Variants in PTPRT observed in about 807,000 individuals in gnomAD.
PTPRT encodes protein tyrosine phosphatase receptor type T.
A neutral mutation model predicts 176.8 loss-of-function variants in PTPRT; 56 were observed. That is an observed-to-expected ratio of 0.32 (90% CI 0.26 to 0.40). PTPRT has a LOEUF of 0.40. PTPRT is among the 10% of genes least tolerant of loss of function. The probability of loss-of-function intolerance (pLI) is 1.00; values close to 1 mark genes in which losing one functional copy is unlikely to be tolerated. For synonymous variants in PTPRT, 783 were observed against 739.0 expected (o/e 1.06, Z -0.96); for missense variants, 1,540 against 1,908.2 (o/e 0.81, Z 3.60).
intron 1 of PTPRT, among the ~76,000 whole-genome samples, chr20:42,899,510 C>T (rs552204593): frequency 1.3e-4 from 20 of 152,332 alleles, no homozygotes; most frequent in Non-Finnish European, 1.8e-4. Flanking sequence ...CAGCCTCCTC[C>T]CTTCTTCAGT....
chr20:43,112,266 C>G (rs968615599), intron 1 of PTPRT, among the ~76,000 whole-genome samples: 7 of 152,142 alleles, frequency 4.6e-5, no homozygotes, highest in African/African-American at 1.7e-4. Context: ...TAAACACACA[C>G]CCACCCTAAA....
intron 2 of PTPRT, among the ~76,000 whole-genome samples, chr20:42,869,772 G>T (rs778216660): frequency 6.4e-4 from 98 of 152,298 alleles, no homozygotes; most frequent in Non-Finnish European, 7.9e-4. Flanking sequence ...GGAGGAGAAC[G>T]CTGTGGCTTA....
At chr20:42,275,380 C>T (rs2057011816) in intron 13 of PTPRT, among the ~76,000 whole-genome samples, 1 of 152,178 alleles carries the variant, frequency 6.6e-6, no homozygotes, top group Admixed American at 6.5e-5. Flanking sequence ...AACTGCTTTG[C>T]AATAACAGAC....
intron 9 of PTPRT, among the ~76,000 whole-genome samples, chr20:42,419,413 G>A (rs538745416): frequency 6.6e-6 from 1 of 152,282 alleles, no homozygotes; most frequent in Non-Finnish European, 1.5e-5. Flanking sequence ...GTTAGATTTT[G>A]GGGGAAACAT....
At chr20:42,065,115 A>G in the PTPRT span, among the ~76,000 whole-genome samples, 1 of 152,224 alleles carries the variant, frequency 6.6e-6, no homozygotes, top group African/African-American at 2.4e-5. Flanking sequence ...TCAAGGCTTA[A>G]AGATGTCTGT....
chr20:43,164,626 T>G (rs2014805523), intron 1 of PTPRT, among the ~76,000 whole-genome samples: 1 of 152,152 alleles, frequency 6.6e-6, no homozygotes, highest in South Asian at 2.1e-4. Context: ...CCACAAACCT[T>G]TTCTGTAGAG....
At chr20:42,592,787 C>T (rs2073603353) in intron 7 of PTPRT, among the ~76,000 whole-genome samples, 1 of 152,146 alleles carries the variant, frequency 6.6e-6, no homozygotes, top group African/African-American at 2.4e-5. Flanking sequence ...TCTGAGGACT[C>T]CACCTAACCA....
intron 7 of PTPRT, among the ~76,000 whole-genome samples, chr20:42,629,071 G>C (rs2074352736): frequency 1.3e-5 from 2 of 152,110 alleles, no homozygotes; most frequent in African/African-American, 4.8e-5. Flanking sequence ...TTGACACCTA[G>C]GGTGAGATGG....
At chr20:42,169,242 G>A (rs1989967958) in intron 16 of PTPRT, among the ~76,000 whole-genome samples, 1 of 152,122 alleles carries the variant, frequency 6.6e-6, no homozygotes, top group African/African-American at 2.4e-5. Flanking sequence ...CTTTGTTTCC[G>A]AGACGCAGAT....
intron 1 of PTPRT, among the ~76,000 whole-genome samples, chr20:43,107,108 A>C (rs962136093): frequency 2.6e-5 from 4 of 152,156 alleles, no homozygotes; most frequent in African/African-American, 9.7e-5. Context: ...TAACTTCTTA[A>C]ACATTTTTCT....
At chr20:43,139,322 C>T (rs2013931326) in intron 1 of PTPRT, among the ~76,000 whole-genome samples, 1 of 152,164 alleles carries the variant, frequency 6.6e-6, no homozygotes, top group African/African-American at 2.4e-5. Flanking sequence ...TTTTCCAGCT[C>T]TCCTCCATAC....
intron 8 of PTPRT, among the ~76,000 whole-genome samples, chr20:42,449,513 TTG>T (rs1159608884): frequency 1.3e-5 from 2 of 152,220 alleles, no homozygotes; most frequent in Non-Finnish European, 2.9e-5. Context: ...GCACTTACTC[TTG>T]GACTAGAATT....
intron 9 of PTPRT, among the ~76,000 whole-genome samples, chr20:42,399,843 CA>C (rs2058888319): frequency 6.6e-6 from 1 of 152,214 alleles, no homozygotes; most frequent in South Asian, 2.1e-4. Flanking sequence ...CCATTTACAT[CA>C]CTTTTCACCC....
At chr20:42,964,446 A>C (rs1047759553) in intron 1 of PTPRT, among the ~76,000 whole-genome samples, 4 of 152,212 alleles carry the variant, frequency 2.6e-5, no homozygotes, top group Non-Finnish European at 2.9e-5. Context: ...ATTCACAAAG[A>C]AATATATCAA....
chr20:43,188,884 C>G (rs1176781550), intron 1 of PTPRT, among the ~76,000 whole-genome samples: 2 of 151,970 alleles, frequency 1.3e-5, no homozygotes, highest in Non-Finnish European at 2.9e-5. Flanking sequence ...CCCGCCCCCG[C>G]TCCCCCTACT....
intron 1 of PTPRT, among the ~76,000 whole-genome samples, chr20:42,972,676 C>CAAAAAAAAAAAA (rs33947245): frequency 2.6e-5 from 2 of 77,538 alleles, no homozygotes; most frequent in African/African-American, 1.0e-4. Context: ...TCTCAAAAAG[C>CAAAAAAAAAAAA]AAAAAAAAAA....
At chr20:42,872,583 T>C (rs1414480280) in intron 2 of PTPRT, among the ~76,000 whole-genome samples, 2 of 152,012 alleles carry the variant, frequency 1.3e-5, no homozygotes, top group African/African-American at 4.8e-5. Context: ...ACCACAGGAG[T>C]CTTCACCAAT....
intron 9 of PTPRT, among the ~76,000 whole-genome samples, chr20:42,411,460 T>A (rs187103871): frequency 7.1e-6 from 1 of 141,366 alleles, no homozygotes; most frequent in African/African-American, 2.7e-5. Flanking sequence ...GAGGTTGTAG[T>A]GAGCCGAGAT....
At chr20:42,310,117 A>G (rs529552583) in intron 12 of PTPRT, among the ~76,000 whole-genome samples, 2 of 152,278 alleles carry the variant, frequency 1.3e-5, no homozygotes, top group South Asian at 4.1e-4. Context: ...AGTGAAAAAC[A>G]TGTTGGAATG....
Sources: allele counts gnomAD v4.1 joint callset (sites outside exome capture counted in the v4.1 genomes callset), GRCh38; gene constraint gnomAD v4.1.1; transcripts MANE v1.5; gene names NCBI Gene and HGNC (gene_info 2026-07-23, HGNC 2026-07-21).